The following CORO2B variants were observed in gnomAD, a reference collection of about 807,000 sequenced individuals.
CORO2B encodes coronin-2B.
Under a neutral mutation model 58.8 loss-of-function variants are expected in CORO2B, and 26 were observed. The ratio of observed to expected loss-of-function variants is 0.44; its 90% CI spans 0.32 to 0.61. CORO2B has a LOEUF of 0.61. Among genes scored for constraint, CORO2B ranks in the 20% least tolerant of loss-of-function variants. CORO2B has a pLI of 0.04. For missense variants in CORO2B, 460 were observed against 645.1 expected, an observed-to-expected ratio of 0.71 and a Z score of 3.11; for synonymous variants, 242 against 253.8, an observed-to-expected ratio of 0.95 and a Z score of 0.44.
chr15:68,530,340 A>AATC, the CORO2B span, among the ~76,000 whole-genome samples: 1 of 152,056 alleles, frequency 6.6e-6, no homozygotes, highest in Non-Finnish European at 1.5e-5. Context: ...TAATAATAAT[A>AATC]ATAATATGTA....
the CORO2B span, among the ~76,000 whole-genome samples, chr15:68,554,272 G>C: frequency 6.6e-6 from 1 of 152,126 alleles, no homozygotes; most frequent in Non-Finnish European, 1.5e-5. Context: ...GCCCATTGTG[G>C]AAGGACCCTC....
At chr15:68,634,313 T>C (rs760701115) in intron 1 of CORO2B, among the ~76,000 whole-genome samples, 5 of 152,196 alleles carry the variant, frequency 3.3e-5, no homozygotes, top group Non-Finnish European at 4.4e-5. Flanking sequence ...CCAGCTCTTT[T>C]ACTCACTCGC....
intron 1 of CORO2B, among the ~76,000 whole-genome samples, chr15:68,596,068 G>A (rs542848722): frequency 1.3e-5 from 2 of 152,182 alleles, no homozygotes; most frequent in East Asian, 3.9e-4. Context: ...TTGCGGGGAG[G>A]TGGGAGTTGT....
chr15:68,709,721 C>T (rs1254633637), intron 3 of CORO2B, among the ~76,000 whole-genome samples: 1 of 151,924 alleles, frequency 6.6e-6, no homozygotes, highest in African/African-American at 2.4e-5. Flanking sequence ...AAATTATAGT[C>T]ACATGTGCTC....
At chr15:68,633,367 G>A (rs59197667) in intron 1 of CORO2B, among the ~76,000 whole-genome samples, 1,978 of 152,102 alleles carry the variant, frequency 0.013, 45 homozygotes, top group African/African-American at 0.046. Context: ...CAGTTATCAC[G>A]GATGTTTTCA....
chr15:68,579,780 GA>G (rs1899381604), intron 1 of CORO2B, among the ~76,000 whole-genome samples: 1 of 152,336 alleles, frequency 6.6e-6, no homozygotes, highest in East Asian at 1.9e-4. Context: ...ACTCTGTGCA[GA>G]AGGCGCTGCC....
At chr15:68,587,694 A>T (rs6494755) in intron 1 of CORO2B, among the ~76,000 whole-genome samples, 78,220 of 152,046 alleles carry the variant, frequency 0.51, 20,524 homozygotes, top group East Asian at 0.77. Context: ...CATATACAAT[A>T]TGTTTTATAT....
upstream of CORO2B, among the ~76,000 whole-genome samples, chr15:68,575,577 G>GCC (rs78111726): frequency 3.6e-4 from 14 of 38,752 alleles, 5 homozygotes; most frequent in East Asian, 3.0e-3. Context: ...CTTGTGATCT[G>GCC]CCCCCGCCTC....
At position 68,726,207 on chromosome 15, in the gene CORO2B, C is replaced by G; in HGVS notation, c.*233C>G. On this transcript the variant is annotated 3_prime_UTR_variant, in exon 12 of 12. Coordinates refer to ENST00000261861, the MANE Select transcript of CORO2B (RefSeq NM_006091.5). ...TGCCGGCAGCCCCTTTCCCTGCCAC[C>G]CCAGGAGCCAGGCTTCCCCTCAGCT... 1 of 506,026 alleles carries G rather than the reference C, an allele frequency of 2.0e-6. No individual in the cohort carries two copies. Among genetic ancestry groups the G allele is most frequent in the Non-Finnish European group, 3.5e-6 (1 of 289,356 alleles). The allele number at this position is 506,026 out of a possible 1,614,324, so 31.3% of individuals were successfully genotyped here.
At chr15:68,591,187 T>C (rs1354749008) in intron 1 of CORO2B, among the ~76,000 whole-genome samples, 1 of 152,160 alleles carries the variant, frequency 6.6e-6, no homozygotes, top group Admixed American at 6.5e-5. Flanking sequence ...TGCACAGAAC[T>C]GTGAAACTAT....
chr15:68,558,478 C>T, the CORO2B span, among the ~76,000 whole-genome samples: 2 of 152,116 alleles, frequency 1.3e-5, no homozygotes, highest in South Asian at 4.1e-4. Flanking sequence ...TTAAGAAATC[C>T]TCCTTCCTGC....
intron 2 of CORO2B, among the ~76,000 whole-genome samples, chr15:68,656,925 T>A (rs888033457): frequency 6.6e-6 from 1 of 152,168 alleles, no homozygotes; most frequent in Non-Finnish European, 1.5e-5. Context: ...AGTCTGCTGG[T>A]GTGATCCTGG....
At chr15:68,719,012 GAC>G in intron 9 of CORO2B, 130 bp from the exon 10 acceptor site, 2 of 870,530 alleles carry the variant, frequency 2.3e-6, no homozygotes, top group South Asian at 1.5e-5. Context: ...CCAGGAGGGA[GAC>G]ACAGTGCAAA....
intron 2 of CORO2B, among the ~76,000 whole-genome samples, chr15:68,648,082 C>T (rs186607546): frequency 2.5e-4 from 38 of 150,906 alleles, no homozygotes; most frequent in Non-Finnish European, 1.0e-4. Context: ...CCTATAATCC[C>T]AGCACTTTGG....
intron 1 of CORO2B, among the ~76,000 whole-genome samples, chr15:68,611,897 A>T (rs1010980277): frequency 1.3e-5 from 2 of 151,660 alleles, no homozygotes; most frequent in African/African-American, 4.8e-5. Flanking sequence ...TCAGCCTCCC[A>T]AGTAGCTGGG....
intron 1 of CORO2B, among the ~76,000 whole-genome samples, chr15:68,593,112 G>C (rs1004349100): frequency 6.6e-6 from 1 of 152,108 alleles, no homozygotes; most frequent in African/African-American, 2.4e-5. Flanking sequence ...TTCATCAGGA[G>C]CCCACTCCCA....
the CORO2B span, among the ~76,000 whole-genome samples, chr15:68,564,550 G>A: frequency 2.6e-5 from 4 of 152,076 alleles, no homozygotes; most frequent in Non-Finnish European, 5.9e-5. Flanking sequence ...AGGCTCAAGC[G>A]ATTGGCCTGC....
the CORO2B span, among the ~76,000 whole-genome samples, chr15:68,539,615 C>T: frequency 2.0e-5 from 3 of 152,170 alleles, no homozygotes; most frequent in Admixed American, 2.0e-4. Context: ...GCTGAGGCTG[C>T]AGTGAGCCAA....
chr15:68,560,561 A>C, the CORO2B span, among the ~76,000 whole-genome samples: 1 of 152,172 alleles, frequency 6.6e-6, no homozygotes, highest in Non-Finnish European at 1.5e-5. Flanking sequence ...CGTTTCCCAA[A>C]GTGTTAGGAT....
Sources: gnomAD v4.1 joint callset for allele counts (sites outside exome capture counted in the v4.1 genomes callset) on GRCh38, gnomAD v4.1.1 for gene constraint, MANE v1.5 for transcripts, NCBI Gene and HGNC (gene_info 2026-07-23, HGNC 2026-07-21) for gene names.